PRKAG2: variants seen among roughly 807,000 people sequenced by gnomAD.
PRKAG2 encodes the protein 5'-AMP-activated protein kinase subunit gamma-2.
Under a neutral mutation model 69.6 loss-of-function variants are expected in PRKAG2, and 26 were observed. The ratio of observed to expected loss-of-function variants is 0.37; its 90% CI spans 0.27 to 0.52. PRKAG2 has a LOEUF of 0.52. Among genes scored for constraint, PRKAG2 ranks in the 20% least tolerant of loss-of-function variants. PRKAG2 has a pLI of 0.90. For synonymous variants in PRKAG2, 293 were observed against 285.0 expected (o/e 1.03, Z -0.28); for missense variants, 557 against 740.0 (o/e 0.75, Z 2.87).
At chr7:151,868,031 G>A (rs2080121803) in intron 1 of PRKAG2, among the ~76,000 whole-genome samples, 1 of 152,118 alleles carries the variant, frequency 6.6e-6, no homozygotes. Flanking sequence ...TGGGGTTACG[G>A]AGCAAACTGG....
chr7:151,830,822 C>A (rs1200984077), intron 1 of PRKAG2, among the ~76,000 whole-genome samples: 1 of 151,288 alleles, frequency 6.6e-6, no homozygotes, highest in Non-Finnish European at 1.5e-5. Context: ...GGAGCGTGGT[C>A]CCTTCTTTCA....
At chr7:151,656,303 C>T (rs929712970) in intron 4 of PRKAG2, among the ~76,000 whole-genome samples, 2 of 152,114 alleles carry the variant, frequency 1.3e-5, no homozygotes, top group African/African-American at 4.8e-5. Flanking sequence ...GCCTGTGATC[C>T]CAGCAATTTG....
intron 11 of PRKAG2, 63 bp downstream of exon 11, chr7:151,568,653 T>C: frequency 6.3e-7 from 1 of 1,575,110 alleles, no homozygotes; most frequent in African/African-American, 1.3e-5. Flanking sequence ...GCCAATTTAC[T>C]TGAAGTACAT....
rs569447004 is a variant in PRKAG2, at chr7:151,755,070, C to T, written c.466+26082G>A. On this transcript the variant is annotated intron_variant, in intron 3 of 15. Coordinates refer to ENST00000287878, the MANE Select transcript of PRKAG2 (RefSeq NM_016203.4). ...AGCCCCGACAGAGAGTTCTGAAGCC[C>T]GGATGCCCCTTCAGAGCTGTCCTGA... Among the ~76,000 whole-genome samples the T allele has an allele frequency of 7.2e-4, 110 of 152,222 alleles. 2 individuals are homozygous for T. The South Asian group carries it at 0.022, about 30-fold the overall frequency.
chr7:151,802,289 C>G (rs2077879182), intron 1 of PRKAG2, among the ~76,000 whole-genome samples: 2 of 152,120 alleles, frequency 1.3e-5, no homozygotes, highest in African/African-American at 4.8e-5. Context: ...GAACTTCTGC[C>G]CTTTGCACTC....
intron 3 of PRKAG2, among the ~76,000 whole-genome samples, chr7:151,706,533 C>T (rs1315339931): frequency 2.6e-5 from 4 of 152,316 alleles, no homozygotes; most frequent in Admixed American, 6.5e-5. Flanking sequence ...TCTCCCACCA[C>T]GAGGCTTCTT....
chr7:151,626,290 C>G (rs1043505904), intron 5 of PRKAG2, among the ~76,000 whole-genome samples: 3 of 152,174 alleles, frequency 2.0e-5, no homozygotes, highest in Non-Finnish European at 4.4e-5. Flanking sequence ...ACAACCCTAC[C>G]TCACCAAGTC....
chr7:151,786,725 G>A (rs1487742402), intron 1 of PRKAG2, among the ~76,000 whole-genome samples, 184 bp from the exon 2 acceptor site: 3 of 152,164 alleles, frequency 2.0e-5, no homozygotes, highest in Admixed American at 6.5e-5. Flanking sequence ...ATGCACATCC[G>A]CTTCCAGAAC....
At chr7:151,720,071 C>T (rs76557005) in intron 3 of PRKAG2, among the ~76,000 whole-genome samples, 3,961 of 152,294 alleles carry the variant, frequency 0.026, 152 homozygotes, top group African/African-American at 0.081. Context: ...GGCCCAGGGG[C>T]GAGCCCTTCC....
At chr7:151,622,570 A>T (rs774975760) in intron 5 of PRKAG2, among the ~76,000 whole-genome samples, 8 of 152,218 alleles carry the variant, frequency 5.3e-5, no homozygotes, top group Non-Finnish European at 1.0e-4. Flanking sequence ...AGAAGACAGA[A>T]GCATCTAGAC....
At chr7:151,848,828 T>G (rs2079501766) in intron 1 of PRKAG2, among the ~76,000 whole-genome samples, 1 of 152,174 alleles carries the variant, frequency 6.6e-6, no homozygotes. Flanking sequence ...CCCAGCCTAC[T>G]GCATGTCTTT....
At chr7:151,697,411 T>C (rs1836866073) in intron 3 of PRKAG2, among the ~76,000 whole-genome samples, 1 of 151,796 alleles carries the variant, frequency 6.6e-6, no homozygotes, top group African/African-American at 2.4e-5. Flanking sequence ...GGGAGCCCTC[T>C]GAGGAGGCTC....
chr7:151,683,709 A>C (rs747417879), intron 3 of PRKAG2, among the ~76,000 whole-genome samples: 2 of 152,066 alleles, frequency 1.3e-5, no homozygotes, highest in African/African-American at 4.8e-5. Context: ...GTGAGGGGGA[A>C]CGGTGGCCCA....
chr7:151,825,045 C>T (rs571083889), intron 1 of PRKAG2, among the ~76,000 whole-genome samples: 4 of 72,232 alleles, frequency 5.5e-5, no homozygotes, highest in Middle Eastern at 7.5e-3. Context: ...AACCCCGTCT[C>T]TACTAAAAAT....
chr7:151,827,904 G>A (rs1563734121), intron 1 of PRKAG2, among the ~76,000 whole-genome samples: 2 of 152,146 alleles, frequency 1.3e-5, no homozygotes, highest in Non-Finnish European at 2.9e-5. Flanking sequence ...TAGTGGATGT[G>A]GGCGCTTCCC....
At chr7:151,613,365 G>A (rs908282881) in intron 5 of PRKAG2, among the ~76,000 whole-genome samples, 14 of 152,096 alleles carry the variant, frequency 9.2e-5, no homozygotes, top group Admixed American at 7.9e-4. Flanking sequence ...ACACTCAAGG[G>A]AAAAGCTCAT....
intron 3 of PRKAG2, among the ~76,000 whole-genome samples, chr7:151,701,747 G>A (rs1199531799): frequency 1.3e-5 from 2 of 151,932 alleles, no homozygotes; most frequent in African/African-American, 2.4e-5. Flanking sequence ...GGAGGCTGAG[G>A]CAGGAGAATG....
intron 1 of PRKAG2, among the ~76,000 whole-genome samples, chr7:151,832,433 C>G (rs998030330): frequency 1.3e-5 from 2 of 152,080 alleles, no homozygotes; most frequent in Admixed American, 6.5e-5. Flanking sequence ...AGCAGACCCT[C>G]CATAGACACC....
At chr7:151,709,665 T>C (rs1310915567) in intron 3 of PRKAG2, among the ~76,000 whole-genome samples, 1 of 152,200 alleles carries the variant, frequency 6.6e-6, no homozygotes, top group Non-Finnish European at 1.5e-5. Flanking sequence ...TGACACTGAA[T>C]GACACATGTG....
Sources: allele counts gnomAD v4.1 joint callset (sites outside exome capture counted in the v4.1 genomes callset), GRCh38; gene constraint gnomAD v4.1.1; transcripts MANE v1.5; gene names NCBI Gene and HGNC (gene_info 2026-07-23, HGNC 2026-07-21).